The following CDH1 variants were observed in gnomAD, a reference collection of about 807,000 sequenced individuals.
The protein encoded by CDH1 is cadherin-1.
In CDH1, 35 loss-of-function variants were observed where a neutral mutation model predicts 84.5. That is an observed-to-expected ratio of 0.41 (90% CI 0.32 to 0.55). The LOEUF is 0.55. Among genes scored for constraint, CDH1 ranks in the 20% least tolerant of loss-of-function variants. The pLI is 0.19. For missense variants in CDH1, 994 were observed against 1,126.6 expected, an observed-to-expected ratio of 0.88 and a Z score of 1.68; for synonymous variants, 417 against 439.0, an observed-to-expected ratio of 0.95 and a Z score of 0.63.
chr16:68,774,861 T>C (rs1358361191), intron 2 of CDH1, among the ~76,000 whole-genome samples: 1 of 152,196 alleles, frequency 6.6e-6, no homozygotes, highest in East Asian at 1.9e-4. Flanking sequence ...CCTGATTTTA[T>C]CTGAAATAAA....
chr16:68,786,530 TTTTC>T (rs1209734459), intron 2 of CDH1, among the ~76,000 whole-genome samples: 2 of 121,964 alleles, frequency 1.6e-5, no homozygotes, highest in Non-Finnish European at 3.3e-5. Flanking sequence ...CTTTTTTTTT[TTTTC>T]TTTTTTTTTT....
rs1959362031 is a variant in CDH1, at chr16:68,765,785, C to T, written c.163+27374C>T. On this transcript the variant is annotated intron_variant, in intron 2 of 15. Coordinates refer to ENST00000261769, the MANE Select transcript of CDH1 (RefSeq NM_004360.5). Reference sequence around the variant, plus strand: ...TTGTTTTCCTCTCATGGGAAATTTCCCTGTCACAGTTGGATCTAGTTTCTC... The same window carrying T: ...TTGTTTTCCTCTCATGGGAAATTTCTCTGTCACAGTTGGATCTAGTTTCTC... Among the ~76,000 whole-genome samples the T allele has an allele frequency of 2.6e-5, 4 of 151,758 alleles. No individual in the cohort carries two copies. In the South Asian group the frequency reaches 6.3e-4, roughly 24 times the overall value.
intron 2 of CDH1, among the ~76,000 whole-genome samples, chr16:68,764,520 G>A (rs542286148): frequency 9.8e-4 from 149 of 152,312 alleles, no homozygotes; most frequent in African/African-American, 3.4e-3. Flanking sequence ...AGGCTGCAGC[G>A]AACTGAGATC....
chr16:68,792,476 C>A (rs938578578), intron 2 of CDH1, among the ~76,000 whole-genome samples: 2 of 152,174 alleles, frequency 1.3e-5, no homozygotes. Context: ...GTGTTCCACC[C>A]ACCTCCCAAA....
intron 2 of CDH1, chr16:68,763,250 A>G (rs1959278640): frequency 6.6e-6 from 1 of 152,126 alleles, no homozygotes; most frequent in South Asian, 2.1e-4. Flanking sequence ...ACTCCCTACA[A>G]TGTGTGGAAT....
rs1960384721 is a variant in CDH1 at position 68,797,160 on chromosome 16, G to A, written c.164-4510G>A. Among the ~76,000 whole-genome samples, 4 of 152,204 alleles carry A rather than the reference G, an allele frequency of 2.6e-5. No homozygotes were observed. In the South Asian group the frequency reaches 6.2e-4, roughly 24 times the overall value. On this transcript the variant is annotated intron_variant, in intron 2 of 15. Coordinates refer to ENST00000261769, the MANE Select transcript of CDH1 (RefSeq NM_004360.5). ...CCAGAACTTTGGGAGGCTGAGGCAGGTGGATCACCTGAGGTCAGAAGTTCA... is the reference window on the plus strand; with the variant it reads ...CCAGAACTTTGGGAGGCTGAGGCAGATGGATCACCTGAGGTCAGAAGTTCA...
At chr16:68,807,795 T>C (rs1960704669) in intron 3 of CDH1, among the ~76,000 whole-genome samples, 1 of 152,116 alleles carries the variant, frequency 6.6e-6, no homozygotes, top group Non-Finnish European at 1.5e-5. Flanking sequence ...AAAATTATAT[T>C]ATGGGCTGGG....
At chr16:68,809,186 T>C (rs1390336554) in intron 5 of CDH1, among the ~76,000 whole-genome samples, 4 of 151,644 alleles carry the variant, frequency 2.6e-5, no homozygotes, top group Admixed American at 6.6e-5. Context: ...ACCCATTTCT[T>C]GGGCTTGGCA....
chr16:68,761,166 G>T (rs1031476686), intron 2 of CDH1, among the ~76,000 whole-genome samples: 1 of 152,214 alleles, frequency 6.6e-6, no homozygotes, highest in Admixed American at 6.5e-5. Flanking sequence ...TAGTGTGGCT[G>T]GTTGGGTGAG....
intron 2 of CDH1, among the ~76,000 whole-genome samples, chr16:68,738,965 A>T (rs865977258): frequency 0.4 from 2,420 of 6,012 alleles, 286 homozygotes; most frequent in African/African-American, 0.52. Context: ...TTTTTTTTTT[A>T]AAGACAGGGT....
chr16:68,737,700 G>T (rs914970900), intron 1 of CDH1, among the ~76,000 whole-genome samples: 1 of 152,170 alleles, frequency 6.6e-6, no homozygotes, highest in Non-Finnish European at 1.5e-5. Context: ...AGACCGAGGC[G>T]GGGGCGTCTG....
chr16:68,766,461 G>C (rs1260525558), intron 2 of CDH1, among the ~76,000 whole-genome samples: 1 of 152,098 alleles, frequency 6.6e-6, no homozygotes, highest in East Asian at 1.9e-4. Flanking sequence ...TCTTTCAAGG[G>C]CATCTTGTCT....
intron 11 of CDH1, 75 bp from the exon 12 acceptor site, chr16:68,821,926 A>G: frequency 8.6e-7 from 1 of 1,165,478 alleles, no homozygotes; most frequent in Non-Finnish European, 1.3e-6. Flanking sequence ...CAAGATCTAG[A>G]CTTGGTCTGG....
chr16:68,809,252 T>C (rs374558555), intron 5 of CDH1, among the ~76,000 whole-genome samples: 185 of 146,144 alleles, frequency 1.3e-3, no homozygotes, highest in African/African-American at 4.4e-3. Context: ...TGAGATAGGG[T>C]TTCACTCTGT....
intron 3 of CDH1, among the ~76,000 whole-genome samples, chr16:68,806,613 T>C (rs946275830): frequency 6.6e-6 from 1 of 152,208 alleles, no homozygotes; most frequent in African/African-American, 2.4e-5. Context: ...GTGCTTTAAA[T>C]GTGCAATACC....
At chr16:68,755,820 G>A (rs1469332665) in intron 2 of CDH1, among the ~76,000 whole-genome samples, 1 of 147,180 alleles carries the variant, frequency 6.8e-6, no homozygotes, top group Non-Finnish European at 1.5e-5. Context: ...CTAGAGTGCA[G>A]TGGCCTGATC....
intron 2 of CDH1, among the ~76,000 whole-genome samples, chr16:68,800,717 G>T (rs922607376): frequency 2.0e-5 from 3 of 152,186 alleles, no homozygotes; most frequent in Non-Finnish European, 2.9e-5. Flanking sequence ...CTTCTGCAAG[G>T]CTGGCTCCTT....
chr16:68,804,996 ATTTTTTTT>A (rs71148951), intron 3 of CDH1, among the ~76,000 whole-genome samples: 2,890 of 89,740 alleles, frequency 0.032, 45 homozygotes, highest in Middle Eastern at 0.065. Context: ...TGCCCAGCTA[ATTTTTTTT>A]TTTTTTTTTT....
At chr16:68,794,069 T>A (rs989066572) in intron 2 of CDH1, among the ~76,000 whole-genome samples, 2 of 152,166 alleles carry the variant, frequency 1.3e-5, no homozygotes, top group Non-Finnish European at 2.9e-5. Flanking sequence ...GGTCTCACTC[T>A]GTTGCCCAGG....
Sources: allele counts gnomAD v4.1 joint callset (sites outside exome capture counted in the v4.1 genomes callset), GRCh38; gene constraint gnomAD v4.1.1; transcripts MANE v1.5; gene names NCBI Gene and HGNC (gene_info 2026-07-23, HGNC 2026-07-21).